Variants in TTPA observed in about 807,000 individuals in gnomAD.
TTPA encodes alpha-tocopherol transfer protein.
TTPA carries 23 observed loss-of-function variants against 25.9 expected under a neutral mutation model. That is an observed-to-expected ratio of 0.89 (90% CI 0.64 to 1.26). TTPA has a LOEUF of 1.26. Ranked by LOEUF, TTPA falls within the 50% of genes most tolerant of loss-of-function variation. The probability of loss-of-function intolerance (pLI) is 0.00; values close to 1 mark genes in which losing one functional copy is unlikely to be tolerated. For synonymous variants in TTPA, 148 were observed against 137.3 expected, an observed-to-expected ratio of 1.08 and a Z score of -0.54; for missense variants, 337 against 353.1, an observed-to-expected ratio of 0.95 and a Z score of 0.37.
intron 1 of TTPA, among the ~76,000 whole-genome samples, chr8:63,084,076 A>T (rs1258980787): frequency 6.6e-6 from 1 of 151,818 alleles, no homozygotes; most frequent in Non-Finnish European, 1.5e-5. Flanking sequence ...TGTAGAGATG[A>T]GGTTTCACCA....
intron 3 of TTPA, among the ~76,000 whole-genome samples, chr8:63,065,434 G>T (rs1003790112): frequency 6.6e-6 from 1 of 151,904 alleles, no homozygotes; most frequent in Non-Finnish European, 1.5e-5. Context: ...ATTATTATAC[G>T]CAATCTTTAA....
rs770422347 is a variant in TTPA at position 63,061,212 on chromosome 8, T to A, written c.*40A>T. 10 of 1,594,284 alleles carry A rather than the reference T, an allele frequency of 6.3e-6. No individual in the cohort carries two copies. Among genetic ancestry groups the A allele is most frequent in the Non-Finnish European group, 8.6e-6 (10 of 1,165,480 alleles). ...ATTTAACCAGGTTGGATATCACTCA[T>A]GTATTTTTAGTTAGGAAGCCATTCA... On this transcript the variant is annotated 3_prime_UTR_variant, in exon 5 of 5. Transcript: ENST00000260116.
At chr8:63,062,257 C>A (rs1419457467) in intron 4 of TTPA, among the ~76,000 whole-genome samples, 2 of 151,530 alleles carry the variant, frequency 1.3e-5, no homozygotes, top group African/African-American at 4.8e-5. Context: ...TAGTTGAGAA[C>A]CTTAACTTTT....
intron 2 of TTPA, among the ~76,000 whole-genome samples, chr8:63,068,198 A>C (rs892550608): frequency 6.6e-6 from 1 of 152,218 alleles, no homozygotes; most frequent in Non-Finnish European, 1.5e-5. Flanking sequence ...GGATTGTCTC[A>C]GAGCTATGTT....
chr8:63,058,973 T>G (rs1000481855), downstream of TTPA, among the ~76,000 whole-genome samples: 2 of 151,410 alleles, frequency 1.3e-5, no homozygotes, highest in African/African-American at 2.4e-5. Context: ...AGTATGCTTT[T>G]ATTTTAAAAT....
At chr8:63,079,352 T>C (rs1805622564) in intron 1 of TTPA, among the ~76,000 whole-genome samples, 1 of 152,250 alleles carries the variant, frequency 6.6e-6, no homozygotes, top group African/African-American at 2.4e-5. Flanking sequence ...TAAATGTAAA[T>C]GGGCTAAATG....
intron 1 of TTPA, among the ~76,000 whole-genome samples, chr8:63,080,548 C>T (rs1042181753): frequency 2.6e-5 from 4 of 151,748 alleles, no homozygotes; most frequent in Admixed American, 6.6e-5. Context: ...GGTGAAACCC[C>T]GTCTCTACTA....
At chr8:63,079,957 C>A (rs916228108) in intron 1 of TTPA, among the ~76,000 whole-genome samples, 9 of 152,092 alleles carry the variant, frequency 5.9e-5, no homozygotes, top group African/African-American at 1.9e-4. Flanking sequence ...GAAAAGAAAT[C>A]ACAACAAACT....
chr8:63,081,848 C>A (rs188655278), intron 1 of TTPA, among the ~76,000 whole-genome samples: 1 of 152,002 alleles, frequency 6.6e-6, no homozygotes, highest in South Asian at 2.1e-4. Context: ...ACACCAATAA[C>A]GGACAAACAG....
At chr8:63,081,439 C>T (rs1336644525) in intron 1 of TTPA, among the ~76,000 whole-genome samples, 1 of 152,188 alleles carries the variant, frequency 6.6e-6, no homozygotes, top group Non-Finnish European at 1.5e-5. Context: ...CAAAATTCAA[C>T]AGCCCTTCAT....
downstream of TTPA, among the ~76,000 whole-genome samples, chr8:63,059,042 T>G (rs1425466415): frequency 1.6e-5 from 2 of 124,692 alleles, no homozygotes; most frequent in African/African-American, 2.9e-5. Flanking sequence ...TTTTTTTTTT[T>G]TTTTTTTGAG....
At chr8:63,069,627 C>A (rs1383546789) in intron 2 of TTPA, among the ~76,000 whole-genome samples, 5 of 151,904 alleles carry the variant, frequency 3.3e-5, no homozygotes, top group African/African-American at 1.2e-4. Flanking sequence ...CCCAGCTACT[C>A]CAAAAGCCGA....
At chr8:63,071,003 G>A (rs1805474842) in intron 2 of TTPA, among the ~76,000 whole-genome samples, 1 of 152,000 alleles carries the variant, frequency 6.6e-6, no homozygotes, top group Non-Finnish European at 1.5e-5. Context: ...AAATAACTGG[G>A]CATCCTTTAT....
At chr8:63,085,692 C>T (rs1319688864) in intron 1 of TTPA, 126 bp downstream of exon 1, 2 of 1,189,314 alleles carry the variant, frequency 1.7e-6, no homozygotes, top group Non-Finnish European at 2.3e-6. Flanking sequence ...TGGTTAGGGG[C>T]GCGTTACCCG....
Position 63,064,187 on chromosome 8 carries a change from T to C in TTPA, c.663+19A>G. 2 of 1,556,638 alleles carry C rather than the reference T, an allele frequency of 1.3e-6. No individual in the cohort carries two copies. The highest frequency in any genetic ancestry group is 1.4e-5 in the African/African-American group (1 of 73,868). On this transcript the variant is annotated intron_variant, in intron 4 of 4. Transcript: ENST00000260116. The stretch of plus-strand genomic sequence containing the variant: ...ATGTTTGGTGTAGAGGAACACAGAC[T>C]TGAATATATTTTACTCACCCGTTCC...
At chr8:63,066,258 G>A (rs929504887) in intron 2 of TTPA, among the ~76,000 whole-genome samples, 161 bp from the exon 3 acceptor site, 4 of 152,204 alleles carry the variant, frequency 2.6e-5, no homozygotes, top group Non-Finnish European at 4.4e-5. Context: ...CCAAGAACAT[G>A]TGCCTGCTTC....
At chr8:63,079,350 A>C (rs1255857918) in intron 1 of TTPA, among the ~76,000 whole-genome samples, 1 of 152,220 alleles carries the variant, frequency 6.6e-6, no homozygotes, top group Non-Finnish European at 1.5e-5. Context: ...CTTAAATGTA[A>C]ATGGGCTAAA....
intron 2 of TTPA, 25 bp from the exon 3 acceptor site, chr8:63,066,122 TC>T: frequency 1.2e-6 from 2 of 1,602,580 alleles, no homozygotes; most frequent in Non-Finnish European, 1.7e-6. Context: ...GCATATCATA[TC>T]TTAGCATTGT....
chr8:63,063,779 G>A (rs1015496237), intron 4 of TTPA, among the ~76,000 whole-genome samples: 2 of 152,002 alleles, frequency 1.3e-5, no homozygotes, highest in Admixed American at 1.3e-4. Flanking sequence ...CAATCTCGTT[G>A]TTTTCTGTTG....
Sources: allele counts gnomAD v4.1 joint callset (sites outside exome capture counted in the v4.1 genomes callset), GRCh38; gene constraint gnomAD v4.1.1; transcripts MANE v1.5; gene names NCBI Gene and HGNC (gene_info 2026-07-23, HGNC 2026-07-21).